The following MCTP2 variants were observed in gnomAD, a reference collection of about 807,000 sequenced individuals.
The protein encoded by MCTP2 is multiple C2 and transmembrane domain containing 2.
MCTP2 carries 132 observed loss-of-function variants against 111.6 expected under a neutral mutation model. The observed-to-expected ratio is 1.18, with a 90% CI of 1.03 to 1.37. MCTP2 has a LOEUF of 1.37. Among genes scored for constraint, MCTP2 ranks in the 40% most tolerant of loss-of-function variants. MCTP2 has a pLI of 0.00. For missense variants in MCTP2, 1,183 were observed against 1,067.9 expected, an observed-to-expected ratio of 1.11 and a Z score of -1.50; for synonymous variants, 395 against 387.7, an observed-to-expected ratio of 1.02 and a Z score of -0.22.
intron 1 of MCTP2, among the ~76,000 whole-genome samples, chr15:94,258,413 A>G (rs1391220202): frequency 1.3e-5 from 2 of 152,186 alleles, no homozygotes; most frequent in Non-Finnish European, 2.9e-5. Flanking sequence ...TGGGTCCACA[A>G]AAAAGCATCT....
At chr15:94,307,979 TA>T (rs1028641395) in intron 2 of MCTP2, among the ~76,000 whole-genome samples, 5 of 152,002 alleles carry the variant, frequency 3.3e-5, no homozygotes, top group Non-Finnish European at 7.4e-5. Flanking sequence ...ATAATAATAA[TA>T]AATAGAATAG....
In MCTP2 at chr15:94,305,888, A is replaced by G. The variant is rs74890787; in HGVS notation, c.465+7158A>G. On this transcript the variant is annotated intron_variant, in intron 2 of 22. Coordinates refer to ENST00000357742, the MANE Select transcript of MCTP2 (RefSeq NM_001385001.1). ...TTTTTTTATTTTTTTCTTCTTATCT[A>G]GTTTTTTTCTCCTCATTTTCTCCTC... Among the ~76,000 whole-genome samples the G allele has an allele frequency of 6.0e-4, 91 of 152,142 alleles. 2 individuals carry two copies. The East Asian group carries it at 0.017, about 29-fold the overall frequency.
At chr15:94,365,243 C>T (rs550778593) in intron 10 of MCTP2, among the ~76,000 whole-genome samples, 26 of 152,312 alleles carry the variant, frequency 1.7e-4, no homozygotes, top group African/African-American at 5.5e-4. Flanking sequence ...TGGATTCACT[C>T]GTTAGTTATC....
At chr15:94,345,014 T>G (rs776076180) in intron 7 of MCTP2, 115 bp from the exon 8 acceptor site, 53 of 1,210,596 alleles carry the variant, frequency 4.4e-5, no homozygotes, top group Non-Finnish European at 6.0e-5. Context: ...ACTTGGATAT[T>G]AATTATCTGA....
intron 17 of MCTP2, among the ~76,000 whole-genome samples, chr15:94,430,360 A>T (rs1031559673): frequency 9.5e-5 from 14 of 147,660 alleles, no homozygotes; most frequent in African/African-American, 2.2e-4. Context: ...CTGCCTTTTT[A>T]AAAAAAAACA....
At chr15:94,369,269 T>C (rs2079360675) in intron 11 of MCTP2, among the ~76,000 whole-genome samples, 1 of 152,218 alleles carries the variant, frequency 6.6e-6, no homozygotes, top group African/African-American at 2.4e-5. Context: ...TAATAGCCTT[T>C]CGTAAATCCT....
chr15:94,440,554 G>A (rs1314148975), intron 18 of MCTP2, among the ~76,000 whole-genome samples: 1 of 152,192 alleles, frequency 6.6e-6, no homozygotes, highest in African/African-American at 2.4e-5. Context: ...CATGCTGGTA[G>A]CACATGTCTG....
chr15:94,392,799 G>A (rs1449369219), intron 14 of MCTP2, among the ~76,000 whole-genome samples: 1 of 151,672 alleles, frequency 6.6e-6, no homozygotes, highest in African/African-American at 2.4e-5. Flanking sequence ...CTGGGTGACA[G>A]AGCGAGACTT....
intron 17 of MCTP2, among the ~76,000 whole-genome samples, chr15:94,406,354 G>C (rs2081895770): frequency 6.6e-6 from 1 of 152,212 alleles, no homozygotes; most frequent in South Asian, 2.1e-4. Flanking sequence ...GCTTTAGTCT[G>C]TGCAGGCTTA....
chr15:94,478,952 A>G lies in MCTP2; in HGVS notation c.2569-14A>G, dbSNP rs763034906. ...TTACCTAACCGCCAGCATCACGGCT[A>G]TTTGTTTTCACAGGTGCAGTATGCA... On this transcript the variant is annotated splice_polypyrimidine_tract_variant and intron_variant, in intron 22 of 22. Coordinates refer to ENST00000357742, the MANE Select transcript of MCTP2 (RefSeq NM_001385001.1). The G allele has an allele frequency of 1.3e-5, 21 of 1,613,540 alleles. No individual in the cohort carries two copies. The East Asian group carries it at 3.1e-4, about 24-fold the overall frequency.
intron 1 of MCTP2, among the ~76,000 whole-genome samples, chr15:94,252,333 T>C (rs890769861): frequency 2.2e-4 from 34 of 152,328 alleles, no homozygotes; most frequent in African/African-American, 8.2e-4. Context: ...TTAAAGTGTG[T>C]CTCATAATTT....
intron 21 of MCTP2, among the ~76,000 whole-genome samples, chr15:94,476,195 T>C (rs1208956874): frequency 6.6e-6 from 1 of 152,172 alleles, no homozygotes; most frequent in Non-Finnish European, 1.5e-5. Flanking sequence ...ACTCCCGCCC[T>C]CTACCTCCCA....
intron 18 of MCTP2, among the ~76,000 whole-genome samples, 187 bp downstream of exon 18, chr15:94,440,485 C>A (rs1282253331): frequency 1.3e-5 from 2 of 152,210 alleles, no homozygotes; most frequent in Non-Finnish European, 2.9e-5. Context: ...TCTGTGGCAT[C>A]TTACGTTCCT....
chr15:94,427,951 G>A (rs548668729), intron 17 of MCTP2, among the ~76,000 whole-genome samples: 17 of 152,016 alleles, frequency 1.1e-4, no homozygotes, highest in African/African-American at 3.6e-4. Flanking sequence ...CAATAGTATC[G>A]GAATTCTTCA....
chr15:94,259,203 T>C (rs2073034224), intron 1 of MCTP2, among the ~76,000 whole-genome samples: 1 of 152,168 alleles, frequency 6.6e-6, no homozygotes. Context: ...TTAGTACTCA[T>C]ACTCTGCCTA....
intron 1 of MCTP2, among the ~76,000 whole-genome samples, chr15:94,252,509 C>G (rs1029763401): frequency 2.0e-5 from 3 of 152,134 alleles, no homozygotes; most frequent in Non-Finnish European, 4.4e-5. Flanking sequence ...GCCATTTGAC[C>G]TTCAATTCTG....
chr15:94,379,787 T>C (rs1199081033), intron 12 of MCTP2, among the ~76,000 whole-genome samples: 1 of 145,554 alleles, frequency 6.9e-6, no homozygotes, highest in Non-Finnish European at 1.5e-5. Flanking sequence ...TATATAATTA[T>C]ATATGATATG....
chr15:94,431,653 G>C (rs2083189355), intron 17 of MCTP2, among the ~76,000 whole-genome samples: 2 of 152,238 alleles, frequency 1.3e-5, no homozygotes, highest in Middle Eastern at 3.4e-3. Flanking sequence ...AGAAATGAAT[G>C]TATACCTGGT....
intron 1 of MCTP2, among the ~76,000 whole-genome samples, chr15:94,243,507 G>A (rs1253496629): frequency 1.4e-5 from 2 of 139,052 alleles, no homozygotes; most frequent in South Asian, 2.2e-4. Context: ...ACATATGTAT[G>A]CGTATATGCG....
Sources: allele counts gnomAD v4.1 joint callset (sites outside exome capture counted in the v4.1 genomes callset), GRCh38; gene constraint gnomAD v4.1.1; transcripts MANE v1.5; gene names NCBI Gene and HGNC (gene_info 2026-07-23, HGNC 2026-07-21).